Variants in TYR observed in about 807,000 individuals in gnomAD.
TYR encodes LB24-AB.
In TYR, 58 loss-of-function variants were observed where a neutral mutation model predicts 51.5. The ratio of observed to expected loss-of-function variants is 1.13; its 90% CI spans 0.91 to 1.40. The LOEUF (loss-of-function observed/expected upper bound fraction) is 1.40, where lower values mean the gene tolerates loss of function less well. Ranked by LOEUF, TYR falls within the 40% of genes most tolerant of loss-of-function variation. The pLI, the probability that TYR is intolerant of heterozygous loss-of-function variation, is 0.00. For synonymous variants in TYR, 263 were observed against 235.2 expected (o/e 1.12, Z -1.08); for missense variants, 732 against 647.4 (o/e 1.13, Z -1.42).
At chr11:89,242,462 G>C (rs1299084348) in intron 3 of TYR, among the ~76,000 whole-genome samples, 1 of 151,918 alleles carries the variant, frequency 6.6e-6, no homozygotes, top group Non-Finnish European at 1.5e-5. Flanking sequence ...CACCCATCTC[G>C]GCCTTCCAAA....
chr11:89,212,292 G>C (rs1943769413), intron 2 of TYR, among the ~76,000 whole-genome samples: 1 of 152,090 alleles, frequency 6.6e-6, no homozygotes, highest in Non-Finnish European at 1.5e-5. Flanking sequence ...ACTACCATCA[G>C]AGAATACTAT....
chr11:89,220,791 C>G (rs983906800), intron 2 of TYR, among the ~76,000 whole-genome samples: 1 of 151,942 alleles, frequency 6.6e-6, no homozygotes, highest in African/African-American at 2.4e-5. Context: ...CAAAACAAAA[C>G]AAAAACAGAG....
chr11:89,198,746 T>C (rs1943556616), intron 2 of TYR, among the ~76,000 whole-genome samples: 2 of 143,440 alleles, frequency 1.4e-5, no homozygotes, highest in Admixed American at 6.8e-5. Context: ...AAAAGGTAAC[T>C]TTTTTCTCAT....
At chr11:89,262,864 A>AC (rs1190998804) in intron 3 of TYR, among the ~76,000 whole-genome samples, 2 of 145,506 alleles carry the variant, frequency 1.4e-5, no homozygotes, top group African/African-American at 5.2e-5. Context: ...AAAAAAAAAA[A>AC]AAAAAAAACA....
At chr11:89,248,091 G>A (rs1944288360) in intron 3 of TYR, among the ~76,000 whole-genome samples, 1 of 152,062 alleles carries the variant, frequency 6.6e-6, no homozygotes. Context: ...TCTTCCCTAA[G>A]CCTTCTTTTT....
intron 2 of TYR, among the ~76,000 whole-genome samples, chr11:89,195,737 A>G (rs1432447): frequency 0.081 from 12,377 of 152,098 alleles, 565 homozygotes; most frequent in South Asian, 0.14. Flanking sequence ...GCAAAGAAAA[A>G]TAAGTCTGTA....
At chr11:89,228,329 T>C (rs771209242) in intron 3 of TYR, among the ~76,000 whole-genome samples, 19 of 152,268 alleles carry the variant, frequency 1.2e-4, no homozygotes, top group South Asian at 6.2e-4. Flanking sequence ...TGTACTTCCA[T>C]GCTAAATAGC....
At chr11:89,282,978 T>C (rs1944736982) in intron 3 of TYR, among the ~76,000 whole-genome samples, 1 of 151,734 alleles carries the variant, frequency 6.6e-6, no homozygotes, top group Admixed American at 6.6e-5. Flanking sequence ...AATCCTTACA[T>C]TACCTTCATG....
intron 3 of TYR, among the ~76,000 whole-genome samples, chr11:89,244,137 GC>G (rs1944235401): frequency 6.6e-6 from 1 of 151,964 alleles, no homozygotes; most frequent in Non-Finnish European, 1.5e-5. Context: ...AGATAAATAA[GC>G]AAACAAACAT....
At chr11:89,258,544 A>T (rs923822780) in intron 3 of TYR, among the ~76,000 whole-genome samples, 2 of 151,968 alleles carry the variant, frequency 1.3e-5, no homozygotes, top group Non-Finnish European at 2.9e-5. Flanking sequence ...AAAAATGAGG[A>T]TTTATGATCA....
chr11:89,187,977 GT>G (rs751837027), intron 1 of TYR, among the ~76,000 whole-genome samples: 12 of 151,356 alleles, frequency 7.9e-5, no homozygotes, highest in Non-Finnish European at 1.6e-4. Context: ...AGTATTTTAT[GT>G]AACTTATCTT....
At chr11:89,270,072 T>G (rs987964498) in intron 3 of TYR, among the ~76,000 whole-genome samples, 56 of 152,036 alleles carry the variant, frequency 3.7e-4, no homozygotes, top group Admixed American at 1.1e-3. Flanking sequence ...CTCACAGCTT[T>G]TAAACTAATA....
chr11:89,200,671 G>A (rs1180093809), intron 2 of TYR: 2 of 151,944 alleles, frequency 1.3e-5, no homozygotes, highest in Admixed American at 1.3e-4. Flanking sequence ...ATACTAAGTG[G>A]AATGAGATTA....
Position 89,282,352 on chromosome 11 carries a change from C to A in TYR, c.1185-2421C>A, listed in dbSNP as rs536199833. ...GGTGGAGGGATTATCAGACAGCCTC[C>A]TTCTCATTTTAAAAATTTAATTTAC... is the stretch of plus-strand genomic sequence containing the variant. On this transcript the variant is annotated intron_variant, in intron 3 of 4. Coordinates refer to ENST00000263321, the MANE Select transcript of TYR (RefSeq NM_000372.5). Among the ~76,000 whole-genome samples, 6 of 151,834 alleles carry A rather than the reference C, an allele frequency of 4.0e-5. No homozygotes were observed. In the East Asian group the frequency reaches 1.2e-3, roughly 30 times the overall value.
intron 2 of TYR, among the ~76,000 whole-genome samples, chr11:89,204,277 G>A (rs1299188422): frequency 6.6e-6 from 1 of 152,202 alleles, no homozygotes; most frequent in African/African-American, 2.4e-5. Context: ...GAAGACATCA[G>A]TAGAGGCCTA....
intron 2 of TYR, among the ~76,000 whole-genome samples, chr11:89,220,713 C>T (rs984248049): frequency 1.3e-5 from 2 of 152,072 alleles, no homozygotes; most frequent in Non-Finnish European, 2.9e-5. Context: ...GAGATCACAC[C>T]ACTGCACTCC....
At position 89,237,828 on chromosome 11, in the gene TYR, T is replaced by TTTTA. The variant is rs370141190; in HGVS notation, c.1184+9878_1184+9881dup. ...TCTTCCAAATTTTGTATTTTATTAT[T>TTTTA]TTTATTTATTTATTTATTTATTTTT... On this transcript the variant is annotated intron_variant, in intron 3 of 4. Transcript: ENST00000263321. 4.6e-3 allele frequency among the ~76,000 whole-genome samples: 704 copies of TTTTA among 151,764 alleles called. 4 individuals are homozygous for TTTTA. The highest frequency in any genetic ancestry group is 0.015 in the African/African-American group (610 of 41,368).
intron 4 of TYR, among the ~76,000 whole-genome samples, chr11:89,293,336 T>TATAC (rs370062540): frequency 3.4e-5 from 5 of 147,626 alleles, no homozygotes; most frequent in Admixed American, 1.4e-4. Flanking sequence ...ATTTTATGCA[T>TATAC]ACACACACAC....
At chr11:89,190,865 C>G (rs1378645782) in intron 1 of TYR, among the ~76,000 whole-genome samples, 1 of 152,052 alleles carries the variant, frequency 6.6e-6, no homozygotes, top group Non-Finnish European at 1.5e-5. Flanking sequence ...TGTATAGATA[C>G]TTGCCATTAT....
Sources: gnomAD v4.1 joint callset for allele counts (sites outside exome capture counted in the v4.1 genomes callset) on GRCh38, gnomAD v4.1.1 for gene constraint, MANE v1.5 for transcripts, NCBI Gene and HGNC (gene_info 2026-07-23, HGNC 2026-07-21) for gene names.